JPH3: variants seen among roughly 807,000 people sequenced by gnomAD.
The protein encoded by JPH3 is junctophilin 3.
JPH3 carries 11 observed loss-of-function variants against 59.6 expected under a neutral mutation model. That is an observed-to-expected ratio of 0.18 (90% CI 0.12 to 0.31). The LOEUF is 0.31. Among genes scored for constraint, JPH3 ranks in the 10% least tolerant of loss-of-function variants. The pLI is 1.00. For missense variants in JPH3, 1,202 were observed against 1,105.7 expected (o/e 1.09, Z -1.24); for synonymous variants, 673 against 483.6 (o/e 1.39, Z -5.14).
At chr16:87,612,726 A>C (rs1229054237) in intron 1 of JPH3, among the ~76,000 whole-genome samples, 1 of 152,036 alleles carries the variant, frequency 6.6e-6, no homozygotes, top group Admixed American at 6.5e-5. Context: ...ACATTAAAAT[A>C]GACTAGAGGC....
intron 2 of JPH3, among the ~76,000 whole-genome samples, chr16:87,679,412 C>T (rs1190329051): frequency 1.3e-5 from 2 of 152,192 alleles, no homozygotes; most frequent in African/African-American, 2.4e-5. Flanking sequence ...TGATGAAATG[C>T]ACTTTCCAGG....
intron 1 of JPH3, among the ~76,000 whole-genome samples, chr16:87,625,633 C>T (rs1468324811): frequency 1.3e-5 from 2 of 152,112 alleles, no homozygotes; most frequent in Non-Finnish European, 2.9e-5. Context: ...CTGGGGGAGA[C>T]GTGAGGATCT....
At chr16:87,692,629 C>T (rs2033625897) in intron 4 of JPH3, among the ~76,000 whole-genome samples, 1 of 151,798 alleles carries the variant, frequency 6.6e-6, no homozygotes, top group Non-Finnish European at 1.5e-5. Context: ...GGGATTCTGG[C>T]CCGTGTAGGG....
intron 3 of JPH3, among the ~76,000 whole-genome samples, chr16:87,684,832 G>C (rs1251033260): frequency 1.3e-5 from 2 of 152,180 alleles, no homozygotes; most frequent in South Asian, 2.1e-4. Flanking sequence ...CCTTCGAGGG[G>C]GGGATCATGG....
intron 2 of JPH3, among the ~76,000 whole-genome samples, chr16:87,682,998 A>C (rs1160571969): frequency 6.6e-6 from 1 of 152,276 alleles, no homozygotes; most frequent in Non-Finnish European, 1.5e-5. Context: ...AGACACAGTC[A>C]GGGAGCGGCC....
At chr16:87,608,745 G>A (rs1014172598) in intron 1 of JPH3, among the ~76,000 whole-genome samples, 1 of 152,186 alleles carries the variant, frequency 6.6e-6, no homozygotes, top group African/African-American at 2.4e-5. Flanking sequence ...CCAGAAGTGT[G>A]CCTATGCCTG....
chr16:87,671,585 G>T (rs1348837413), intron 2 of JPH3, among the ~76,000 whole-genome samples: 1 of 145,390 alleles, frequency 6.9e-6, no homozygotes, highest in Non-Finnish European at 1.5e-5. Flanking sequence ...CCCAGCCCTG[G>T]GGTCCAGGCC....
At chr16:87,615,411 C>T (rs1471468332) in intron 1 of JPH3, among the ~76,000 whole-genome samples, 1 of 152,220 alleles carries the variant, frequency 6.6e-6, no homozygotes, top group East Asian at 1.9e-4. Flanking sequence ...CTTTCTTGTC[C>T]TGAGCCCTTC....
At chr16:87,658,983 T>G (rs4843250) in intron 2 of JPH3, among the ~76,000 whole-genome samples, 85,905 of 152,110 alleles carry the variant, frequency 0.56, 24,648 homozygotes, top group South Asian at 0.66. Context: ...GGAGGCGGGG[T>G]CGCAGCTGCA....
chr16:87,658,352 CCTTCTCCCCG>C (rs1490431633), intron 2 of JPH3, among the ~76,000 whole-genome samples: 2 of 152,140 alleles, frequency 1.3e-5, no homozygotes, highest in African/African-American at 4.8e-5. Context: ...CTCTCTCTCT[CCTTCTCCCCG>C]CTTCTCCCCC....
At chr16:87,664,700 G>A (rs2032808797) in intron 2 of JPH3, among the ~76,000 whole-genome samples, 1 of 152,216 alleles carries the variant, frequency 6.6e-6, no homozygotes, top group Non-Finnish European at 1.5e-5. Context: ...GCTCCACGGT[G>A]AGCCACCCCG....
chr16:87,639,491 G>T (rs925438399), intron 1 of JPH3, among the ~76,000 whole-genome samples: 4 of 152,146 alleles, frequency 2.6e-5, no homozygotes, highest in Non-Finnish European at 5.9e-5. Context: ...GCCGTTCTGT[G>T]GCATTAAGCA....
intron 2 of JPH3, among the ~76,000 whole-genome samples, chr16:87,659,913 C>T (rs2150858424): frequency 1.3e-5 from 2 of 152,268 alleles, no homozygotes; most frequent in Non-Finnish European, 2.9e-5. Flanking sequence ...GGGGATTAGG[C>T]ATCTAGCAGC....
At position 87,602,588 on chromosome 16, in the gene JPH3, T is replaced by TGCTGCC. The variant is rs1239076740; in HGVS notation, c.-556_-551dup. Reference sequence around the variant, plus strand: ...GCCCGAGCCGCCGCATTGCTGCTGCTGCTGCCGCCGCCGCCCCGCGCCCGG... The same window carrying TGCTGCC: ...GCCCGAGCCGCCGCATTGCTGCTGCTGCTGCCGCTGCCGCCGCCGCCCCGCGCCCGG... On this transcript the variant is annotated 5_prime_UTR_variant, in exon 1 of 5. Coordinates refer to ENST00000284262, the MANE Select transcript of JPH3 (RefSeq NM_020655.4). 2.9e-5 allele frequency among the ~76,000 whole-genome samples: 4 copies of TGCTGCC among 139,232 alleles called. No individual in the cohort carries two copies. Among genetic ancestry groups the TGCTGCC allele is most frequent in the Non-Finnish European group, 6.3e-5 (4 of 63,340 alleles). 91.3% of individuals were successfully genotyped at this position (139,232 alleles called of 152,430 possible). A position where few individuals can be genotyped will look rare whatever the true frequency, so the allele number is the denominator to read the frequency against.
intron 4 of JPH3, chr16:87,695,946 C>T: frequency 2.2e-6 from 1 of 456,034 alleles, no homozygotes; most frequent in Non-Finnish European, 4.4e-6. Flanking sequence ...TGAGCCACTT[C>T]AGGGAGGTGG....
intron 2 of JPH3, among the ~76,000 whole-genome samples, chr16:87,657,405 C>T (rs4553639): frequency 0.69 from 105,434 of 151,966 alleles, 37,162 homozygotes; most frequent in African/African-American, 0.81. Context: ...GTGGGAACAA[C>T]GGGGAGTGGC....
chr16:87,689,939 G>C lies in JPH3; in HGVS notation c.1579G>C (p.Ala527Pro), dbSNP rs1169129766. 6.9e-7 allele frequency: 1 copy of C among 1,448,872 alleles called. No homozygotes were observed. Among genetic ancestry groups the C allele is most frequent in the East Asian group, 2.5e-5 (1 of 39,846 alleles). 89.8% of individuals were successfully genotyped at this position (1,448,872 alleles called of 1,614,324 possible). ...MLLEGRAGDC[A>P]RSSWGEEQAG... is the part of the protein sequence containing the mutation. ...CCTGGAGGGCCGGGCCGGGGACTGC[G>C]CCCGCAGCAGCTGGGGCGAGGAGCA... Residue 527 changes from alanine to proline, a missense_variant, in exon 4 of 5, where the codon GCC becomes CCC. By Grantham distance (27) the Ala-to-Pro change is conservative (BLOSUM62 -1). Coordinates refer to ENST00000284262, the MANE Select transcript of JPH3 (RefSeq NM_020655.4).
At chr16:87,694,227 A>T (rs889906155) in intron 4 of JPH3, 1 of 152,262 alleles carries the variant, frequency 6.6e-6, no homozygotes, top group Non-Finnish European at 1.5e-5. Context: ...GGAAGGGGCG[A>T]GGGTGTGGTG....
chr16:87,613,096 T>C (rs2030793253), intron 1 of JPH3, among the ~76,000 whole-genome samples: 1 of 48,086 alleles, frequency 2.1e-5, no homozygotes, highest in African/African-American at 1.1e-4. Flanking sequence ...TTTCTTTCTC[T>C]TTTTTTTTTT....
Sources: allele counts gnomAD v4.1 joint callset (sites outside exome capture counted in the v4.1 genomes callset), GRCh38; gene constraint gnomAD v4.1.1; transcripts MANE v1.5; gene names NCBI Gene and HGNC (gene_info 2026-07-23, HGNC 2026-07-21).